The following PLCD3 variants were observed in gnomAD, a reference collection of about 807,000 sequenced individuals.
PLCD3 encodes the protein phospholipase C delta 3, also known as 1-phosphatidylinositol 4,5-bisphosphate phosphodiesterase delta-3.
Under a neutral mutation model 82.8 loss-of-function variants are expected in PLCD3, and 62 were observed. The ratio of observed to expected loss-of-function variants is 0.75; its 90% CI spans 0.61 to 0.93. PLCD3 has a LOEUF of 0.93. Ranked by LOEUF, PLCD3 falls within the 40% of genes least tolerant of loss-of-function variation. PLCD3 has a pLI of 0.00. For synonymous variants in PLCD3, 478 were observed against 471.8 expected, an observed-to-expected ratio of 1.01 and a Z score of -0.17; for missense variants, 1,023 against 1,103.4, an observed-to-expected ratio of 0.93 and a Z score of 1.03.
Position 45,113,200 on chromosome 17 carries a change from C to T in PLCD3, c.2053G>A (p.Asp685Asn). 6.2e-7 allele frequency: 1 copy of T among 1,611,612 alleles called. No individual in the cohort carries two copies. The highest frequency in any genetic ancestry group is 8.5e-7 in the Non-Finnish European group (1 of 1,179,000). The change falls in exon 13 of 15, where the codon GAC becomes AAC. Residue 685 changes from aspartate (D) to asparagine (N), a missense_variant. By Grantham distance (23) the Asp-to-Asn change is conservative. Around this residue, in one of 3 missense-constraint regions of PLCD3, gnomAD observed 553 missense variants for 655.7 expected, o/e 0.84. Coordinates refer to ENST00000619929, the MANE Select transcript of PLCD3 (RefSeq NM_133373.5). The stretch of plus-strand genomic sequence containing the variant: ...TGGATCTCAATGCGCACCAGGGGGT[C>T]CACAATGGAGTGTGGCTTCTCGGCA... Reference protein sequence around the residue: ...LNAEKPHSIVDPLVRIEIHGV... With the variant: ...LNAEKPHSIVNPLVRIEIHGV...
In PLCD3 at chr17:45,109,832, C is replaced by CT. The variant is rs1339808722; in HGVS notation, c.*2783dup. 1 of 152,414 alleles carries CT rather than the reference C, an allele frequency of 6.6e-6. No homozygotes were observed. The highest frequency in any genetic ancestry group is 1.5e-5 in the Non-Finnish European group (1 of 68,234). 9.4% of individuals were successfully genotyped at this position (152,414 alleles called of 1,614,324 possible). On this transcript the variant is annotated 3_prime_UTR_variant, in exon 15 of 15. Transcript: ENST00000619929. ...GTGGCTCACGCCTGTAATCCCAGCA[C>CT]TTTGGGAGGGCGAGGCGGGTGGATC...
intron 10 of PLCD3, 58 bp downstream of exon 10, chr17:45,115,036 T>C (rs2054277565): frequency 1.3e-6 from 2 of 1,536,834 alleles, no homozygotes; most frequent in Non-Finnish European, 1.8e-6. Context: ...CTTTCCAGAC[T>C]CCCTTCAGGA....
intron 4 of PLCD3, among the ~76,000 whole-genome samples, chr17:45,119,973 T>C (rs1191557034): frequency 2.0e-5 from 3 of 152,228 alleles, no homozygotes; most frequent in African/African-American, 7.2e-5. Context: ...CACACGTGTA[T>C]CCGTGCACAT....
chr17:45,115,714 C>T, intron 8 of PLCD3: 1 of 545,924 alleles, frequency 1.8e-6, no homozygotes, highest in Non-Finnish European at 3.3e-6. Flanking sequence ...AGAATATACA[C>T]AGCAGCCACT....
intron 9 of PLCD3, 34 bp from the exon 10 acceptor site, chr17:45,115,278 C>A: frequency 1.3e-6 from 2 of 1,531,774 alleles, no homozygotes; most frequent in Non-Finnish European, 1.8e-6. Context: ...TTCAGCTGGC[C>A]CCCGCTTCCC....
rs752326840 is a variant in PLCD3 at position 45,113,635 on chromosome 17, C to T, written c.1829-30G>A. ...GGACACAGCAGGGTCAGAGCAGGGG[C>T]TCTTAGCGGCCCTGTTCTCACTACT... On this transcript the variant is annotated intron_variant, in intron 11 of 14. Coordinates refer to ENST00000619929, the MANE Select transcript of PLCD3 (RefSeq NM_133373.5). The T allele has an allele frequency of 9.7e-6, 15 of 1,550,064 alleles. No homozygotes were observed. The Admixed American group carries it at 2.8e-4, about 28-fold the overall frequency.
chr17:45,127,099 T>C (rs1436410415), intron 1 of PLCD3, among the ~76,000 whole-genome samples: 5 of 152,216 alleles, frequency 3.3e-5, no homozygotes, highest in Admixed American at 3.3e-4. Context: ...CACAAGCACA[T>C]GGAGCCTGGT....
chr17:45,126,659 C>CTT (rs747164911), intron 1 of PLCD3, among the ~76,000 whole-genome samples: 1 of 142,756 alleles, frequency 7.0e-6, no homozygotes. Context: ...CCATTGTATA[C>CTT]TTTTTTTTTT....
At chr17:45,122,207 A>C (rs1275554996) in intron 1 of PLCD3, among the ~76,000 whole-genome samples, 1 of 152,174 alleles carries the variant, frequency 6.6e-6, no homozygotes, top group Admixed American at 6.5e-5. Context: ...CTCCAGGATC[A>C]GCCCTGCCCA....
intron 1 of PLCD3, among the ~76,000 whole-genome samples, chr17:45,128,735 C>T (rs920783358): frequency 1.3e-5 from 2 of 152,206 alleles, no homozygotes; most frequent in African/African-American, 4.8e-5. Flanking sequence ...CCAGGACACC[C>T]GTTAAATGTG....
Position 45,119,013 on chromosome 17 carries a change from CT to C in PLCD3, c.714del (p.Glu239ArgfsTer13). On this transcript the variant is annotated frameshift_variant, in exon 5 of 15. Transcript: ENST00000619929. LOFTEE classifies it high-confidence loss of function. ...KECDHSNNDR[L>X]EGAEIEEFLR... ...AGGAACTCCTCGATCTCAGCCCCCT[CT>C]AGACGGTCGTTGTTGGAGTGGTCAC... 1 of 1,611,500 alleles carries C rather than the reference CT, an allele frequency of 6.2e-7. No individual in the cohort carries two copies. Among genetic ancestry groups the C allele is most frequent in the African/African-American group, 1.3e-5 (1 of 75,038 alleles).
Position 45,120,946 on chromosome 17 carries a change from G to A in PLCD3, c.510C>T (p.Leu170=). 3.3e-6 allele frequency: 5 copies of A among 1,498,674 alleles called. No individual in the cohort carries two copies. The highest frequency in any genetic ancestry group is 4.4e-6 in the Non-Finnish European group (5 of 1,131,880). The allele number at this position is 1,498,674 out of a possible 1,614,324, so 92.8% of individuals were successfully genotyped here. A position where few individuals can be genotyped will look rare whatever the true frequency, so the allele number is the denominator to read the frequency against. The change falls in exon 3 of 15, where the codon CTC becomes CTT. Residue 170 remains leucine (L), a synonymous_variant. Transcript: ENST00000619929. The stretch of plus-strand genomic sequence containing the variant: ...GGCTCATGGCGTCCAGGCGCGCGCG[G>A]AGCTTGGTCAGACCGCGCACCCAGC... ...AQRWVRGLTK[L]RARLDAMSQR...
At chr17:45,113,087 C>T (rs1434685571) in intron 13 of PLCD3, 35 bp downstream of exon 13, 3 of 1,611,902 alleles carry the variant, frequency 1.9e-6, no homozygotes, top group Admixed American at 3.3e-5. Flanking sequence ...TCTCTGCAGT[C>T]TCCCCCAACC....
chr17:45,118,756 G>T lies in PLCD3; in HGVS notation c.913+59C>A. The T allele has an allele frequency of 6.6e-7, 1 of 1,524,712 alleles. No homozygotes were observed. The highest frequency in any genetic ancestry group is 8.9e-7 in the Non-Finnish European group (1 of 1,129,620). 94.4% of individuals were successfully genotyped at this position (1,524,712 alleles called of 1,614,324 possible). A position where few individuals can be genotyped will look rare whatever the true frequency, so the allele number is the denominator to read the frequency against. On this transcript the variant is annotated intron_variant, in intron 5 of 14. Coordinates refer to ENST00000619929, the MANE Select transcript of PLCD3 (RefSeq NM_133373.5). This position sits in a 1 kb window ranked among gnomAD's most constrained non-coding sequence, Gnocchi z 4.1. ...CCCGCGCCAGCCCGCAGCAGAACCC[G>T]CTTAGCTGGGAACACAGCCCTTTCA...
Position 45,118,038 on chromosome 17 carries a change from G to T in PLCD3, c.1216C>A (p.Leu406Ile), listed in dbSNP as rs779188098. 1 of 1,613,790 alleles carries T rather than the reference G, an allele frequency of 6.2e-7. No individual in the cohort carries two copies. Among genetic ancestry groups the T allele is most frequent in the East Asian group, 2.2e-5 (1 of 44,874 alleles). Residue 406 changes from leucine (L) to isoleucine (I), a missense_variant, in exon 7 of 15, where the codon CTC becomes ATC. Leu to Ile is a conservative substitution (Grantham distance 5). Around this residue, in one of 3 missense-constraint regions of PLCD3, gnomAD observed 553 missense variants for 655.7 expected, o/e 0.84. Transcript: ENST00000619929. This position sits in a 1 kb window ranked among gnomAD's most constrained non-coding sequence, Gnocchi z 4.1. ...ACGGCTTGGACCACGTCCCGGAAGA[G>T]AATCTTGGAGGTGAGGGTATGGCCA... ...YHGHTLTSKI[L>I]FRDVVQAVRD...
rs1417391733 is a variant in PLCD3, at chr17:45,113,242, G to T, written c.2011C>A (p.Gln671Lys). ...TLSIQVLTAQ[Q>K]LPKLNAEKPH... ...TTCTCGGCATTCAGCTTGGGCAGCT[G>T]CTGTGCAGTCAGCACCTGTGGGTGA... is the stretch of plus-strand genomic sequence containing the variant. The change falls in exon 13 of 15, where the codon CAG becomes AAG. Residue 671 changes from glutamine (Q) to lysine (K), a missense_variant. Gln to Lys is a moderately conservative substitution (Grantham distance 53). Coordinates refer to ENST00000619929, the MANE Select transcript of PLCD3 (RefSeq NM_133373.5). 2 of 1,607,132 alleles carry T rather than the reference G, an allele frequency of 1.2e-6. No homozygotes were observed. Among genetic ancestry groups the T allele is most frequent in the Admixed American group, 3.4e-5 (2 of 59,044 alleles).
chr17:45,131,517 C>T, intron 1 of PLCD3, among the ~76,000 whole-genome samples: 1 of 152,264 alleles, frequency 6.6e-6, no homozygotes, highest in East Asian at 1.9e-4. Context: ...CCTTTGTTGG[C>T]TGTGTGGTCA....
In PLCD3 at chr17:45,125,370, A is replaced by G. The variant is rs1189994208; in HGVS notation, c.164-3998T>C. ...TCCCAGCACTTTGGGAGGCCGAGGC[A>G]GGCAGATCATTTGAGGTCAGGAGTT... On this transcript the variant is annotated intron_variant, in intron 1 of 14. Transcript: ENST00000619929. Among the ~76,000 whole-genome samples, 9 of 152,356 alleles carry G rather than the reference A, an allele frequency of 5.9e-5. No homozygotes were observed. In the East Asian group the frequency reaches 1.7e-3, roughly 29 times the overall value.
chr17:45,129,979 A>G (rs1161202900), intron 1 of PLCD3, among the ~76,000 whole-genome samples: 1 of 152,184 alleles, frequency 6.6e-6, no homozygotes, highest in Non-Finnish European at 1.5e-5. Flanking sequence ...GCAGGGGCAG[A>G]GCGAGGCGGG....
Sources: allele counts gnomAD v4.1 joint callset (sites outside exome capture counted in the v4.1 genomes callset), GRCh38; gene constraint gnomAD v4.1.1; regional missense constraint gnomAD v4.1.1; non-coding constraint Gnocchi (gnomAD v3.1); transcripts MANE v1.5; gene names NCBI Gene and HGNC (gene_info 2026-07-23, HGNC 2026-07-21).